TCF4: variants seen among roughly 807,000 people sequenced by gnomAD.
TCF4 encodes SL3-3 enhancer factor 2.
TCF4 carries 3 observed loss-of-function variants against 82.1 expected under a neutral mutation model. That is an observed-to-expected ratio of 0.04 (90% CI 0.02 to 0.09). The LOEUF (loss-of-function observed/expected upper bound fraction) is 0.09. Among genes scored for constraint, TCF4 ranks in the 10% least tolerant of loss-of-function variants. The pLI is 1.00. For synonymous variants in TCF4, 276 were observed against 309.6 expected (o/e 0.89, Z 1.14); for missense variants, 518 against 852.7 (o/e 0.61, Z 4.89).
chr18:55,310,198 C>G (rs2071856661), intron 8 of TCF4, among the ~76,000 whole-genome samples: 1 of 152,160 alleles, frequency 6.6e-6, no homozygotes, highest in Non-Finnish European at 1.5e-5. Flanking sequence ...GACAGGGAAA[C>G]AGGAAGAGTG....
chr18:55,505,950 T>G (rs2096754998), intron 3 of TCF4, among the ~76,000 whole-genome samples: 1 of 151,542 alleles, frequency 6.6e-6, no homozygotes, highest in Admixed American at 6.6e-5. Context: ...ACTGCAAAAA[T>G]GAAAAATAAA....
At chr18:55,533,158 C>A (rs2097083623) in intron 3 of TCF4, among the ~76,000 whole-genome samples, 1 of 152,128 alleles carries the variant, frequency 6.6e-6, no homozygotes, top group African/African-American at 2.4e-5. Context: ...AAAAATACAA[C>A]AAGAAACACC....
chr18:55,450,852 A>G (rs181899743), intron 5 of TCF4, among the ~76,000 whole-genome samples: 37 of 152,300 alleles, frequency 2.4e-4, no homozygotes, highest in African/African-American at 8.9e-4. Flanking sequence ...AGAAATCTGC[A>G]TTTGTCAGTG....
intron 15 of TCF4, among the ~76,000 whole-genome samples, chr18:55,234,998 G>C (rs1166622025): frequency 1.3e-5 from 2 of 152,094 alleles, no homozygotes; most frequent in Non-Finnish European, 2.9e-5. Context: ...TATCATGTCC[G>C]CCAACAGATC....
intron 8 of TCF4, among the ~76,000 whole-genome samples, chr18:55,285,569 T>C (rs2063503437): frequency 6.6e-6 from 1 of 152,226 alleles, no homozygotes; most frequent in Non-Finnish European, 1.5e-5. Flanking sequence ...TGTCCCTCAG[T>C]CACAGTAGCC....
chr18:55,278,134 AAGAGCT>A (rs1317421667), intron 9 of TCF4, among the ~76,000 whole-genome samples: 2 of 152,176 alleles, frequency 1.3e-5, no homozygotes, highest in Non-Finnish European at 2.9e-5. Flanking sequence ...AACAAACTAA[AAGAGCT>A]AACACACTGA....
chr18:55,532,261 G>A (rs532446817), intron 3 of TCF4, among the ~76,000 whole-genome samples: 1 of 152,290 alleles, frequency 6.6e-6, no homozygotes, highest in South Asian at 2.1e-4. Flanking sequence ...TATGGATTAA[G>A]GAGTTAATAG....
chr18:55,286,754 T>G (rs1220632898), intron 8 of TCF4, among the ~76,000 whole-genome samples: 1 of 152,202 alleles, frequency 6.6e-6, no homozygotes, highest in African/African-American at 2.4e-5. Context: ...TTCAGTATTA[T>G]CAAGTCAAGG....
rs573502757 is a variant in TCF4 at position 55,226,429 on chromosome 18, T to C, written c.*1606A>G. ...TCATTATAAAGATTCACGATGGAAG[T>C]TGGTTCAATTGTGCCCAGACGTCAA... On this transcript the variant is annotated 3_prime_UTR_variant, in exon 20 of 20. Transcript: ENST00000354452. 1 of 152,692 alleles carries C rather than the reference T, an allele frequency of 6.5e-6. No homozygotes were observed. Among genetic ancestry groups the C allele is most frequent in the South Asian group, 2.1e-4 (1 of 4,832 alleles). 9.5% of individuals were successfully genotyped at this position (152,692 alleles called of 1,614,324 possible). A position where few individuals can be genotyped will look rare whatever the true frequency, so the allele number is the denominator to read the frequency against.
chr18:55,398,924 G>A (rs2093646344), intron 6 of TCF4, among the ~76,000 whole-genome samples: 1 of 152,194 alleles, frequency 6.6e-6, no homozygotes, highest in African/African-American at 2.4e-5. Flanking sequence ...GGCCCTGCAA[G>A]GGAGAGCTTC....
At chr18:55,516,817 T>C (rs2146406164) in intron 3 of TCF4, among the ~76,000 whole-genome samples, 1 of 151,852 alleles carries the variant, frequency 6.6e-6, no homozygotes, top group South Asian at 2.1e-4. Flanking sequence ...AGAAAGCAAA[T>C]GATATCACAG....
At chr18:55,549,409 TCTTTTGTAATAACA>T (rs2097238378) in intron 3 of TCF4, among the ~76,000 whole-genome samples, 1 of 152,232 alleles carries the variant, frequency 6.6e-6, no homozygotes, top group South Asian at 2.1e-4. Context: ...ACTTTTTGAC[TCTTTTGTAATAACA>T]CTTAGCTGAA....
rs141970461 is a variant in TCF4, at chr18:55,226,024, T to TA, written c.*2010dup. 0.25 allele frequency: 37,099 copies of TA among 151,236 alleles called. 4,823 individuals carry two copies. Among genetic ancestry groups the TA allele is most frequent in the East Asian group, 0.42 (2,170 of 5,150 alleles). The allele number at this position is 151,236 out of a possible 1,614,324, so 9.4% of individuals were successfully genotyped here. A position where few individuals can be genotyped will look rare whatever the true frequency, so the allele number is the denominator to read the frequency against. On this transcript the variant is annotated 3_prime_UTR_variant, in exon 20 of 20. Coordinates refer to ENST00000354452, the MANE Select transcript of TCF4 (RefSeq NM_001083962.2). Reference sequence around the variant, plus strand: ...AGACTTCTTTTTAAACCACAGTTTTTAAAAAAAAACAAAAACTGATACAAT... The same window carrying TA: ...AGACTTCTTTTTAAACCACAGTTTTTAAAAAAAAAACAAAAACTGATACAAT...
At chr18:55,297,052 C>T (rs1400385135) in intron 8 of TCF4, among the ~76,000 whole-genome samples, 2 of 150,802 alleles carry the variant, frequency 1.3e-5, no homozygotes, top group East Asian at 3.9e-4. Flanking sequence ...AAGCTTAATT[C>T]ATATGTTTCT....
At chr18:55,270,731 T>G (rs1313728331) in intron 10 of TCF4, among the ~76,000 whole-genome samples, 3 of 152,124 alleles carry the variant, frequency 2.0e-5, no homozygotes, top group Non-Finnish European at 4.4e-5. Context: ...AAATAAGCTG[T>G]GTTTCTTGGG....
In TCF4 at chr18:55,505,127, G is replaced by A. The variant is rs1038005057; in HGVS notation, c.146-40990C>T. On this transcript the variant is annotated intron_variant, in intron 3 of 19. Transcript: ENST00000354452. ...CCTAGGAGAATAAGCCTGACCTATG[G>A]AAGCAAAACACAGCAGATGGTAACT... Among the ~76,000 whole-genome samples, 3 of 152,210 alleles carry A rather than the reference G, an allele frequency of 2.0e-5. No homozygotes were observed. In the South Asian group the frequency reaches 6.2e-4, roughly 32 times the overall value.
chr18:55,360,247 A>C lies in TCF4; in HGVS notation c.370-9244T>G, dbSNP rs73490844. 7.1e-3 allele frequency among the ~76,000 whole-genome samples: 1,087 copies of C among 152,334 alleles called. 18 individuals carry two copies. Among genetic ancestry groups the C allele is most frequent in the African/African-American group, 0.024 (1,016 of 41,578 alleles). ...CTTAACATGACATTGAGCACTTGGA[A>C]TCTACCTTCTTAACTACTGACAATA... On this transcript the variant is annotated intron_variant, in intron 6 of 19. Transcript: ENST00000354452.
chr18:55,624,437 G>GT (rs2097724518), intron 2 of TCF4, among the ~76,000 whole-genome samples: 1 of 152,162 alleles, frequency 6.6e-6, no homozygotes, highest in Non-Finnish European at 1.5e-5. Context: ...TTCTGGAAGA[G>GT]TAGGAACATC....
At chr18:55,321,243 G>A (rs1304051134) in intron 8 of TCF4, 1 of 214,248 alleles carries the variant, frequency 4.7e-6, no homozygotes, top group Admixed American at 5.3e-5. Flanking sequence ...CTCAATCCAG[G>A]GAGAAACTTA....
Sources: allele counts gnomAD v4.1 joint callset (sites outside exome capture counted in the v4.1 genomes callset), GRCh38; gene constraint gnomAD v4.1.1; transcripts MANE v1.5; gene names NCBI Gene and HGNC (gene_info 2026-07-23, HGNC 2026-07-21).